The following ARHGAP8 variants were observed in gnomAD, a reference collection of about 807,000 sequenced individuals.
ARHGAP8 encodes rho GTPase-activating protein 8.
ARHGAP8 carries 62 observed loss-of-function variants against 46.1 expected under a neutral mutation model. That is an observed-to-expected ratio of 1.34 (90% CI 1.10 to 1.66). ARHGAP8 has a LOEUF of 1.66. Ranked by LOEUF, ARHGAP8 falls within the 40% of genes most tolerant of loss-of-function variation. The pLI, the probability that ARHGAP8 is intolerant of heterozygous loss-of-function variation, is 0.00. For synonymous variants in ARHGAP8, 375 were observed against 243.1 expected, an observed-to-expected ratio of 1.54 and a Z score of -5.05; for missense variants, 923 against 568.4, an observed-to-expected ratio of 1.62 and a Z score of -6.34.
At position 44,859,729 on chromosome 22, in the gene ARHGAP8, A is replaced by G. The variant is rs774759039; in HGVS notation, c.878-2A>G. Reference sequence around the variant, plus strand: ...TCAGCAGGGAGCCCCATGCCCTTCCAGGTGTGGAGAGCAGCCTGCGTGTCA... The same window carrying G: ...TCAGCAGGGAGCCCCATGCCCTTCCGGGTGTGGAGAGCAGCCTGCGTGTCA... On this transcript the variant is annotated splice_acceptor_variant, in intron 10 of 11. Coordinates refer to ENST00000356099, the MANE Select transcript of ARHGAP8 (RefSeq NM_181335.3). LOFTEE classifies it high-confidence loss of function. 1 of 1,613,374 alleles carries G rather than the reference A, an allele frequency of 6.2e-7. No individual in the cohort carries two copies.
At chr22:44,774,214 G>T (rs1926250091) in intron 1 of ARHGAP8, among the ~76,000 whole-genome samples, 1 of 152,146 alleles carries the variant, frequency 6.6e-6, no homozygotes, top group Non-Finnish European at 1.5e-5. Context: ...AACAGTCACG[G>T]GGTTAAAGTT....
rs375864746 is a variant in ARHGAP8, at chr22:44,798,829, A to G, written c.80-3248A>G. Among the ~76,000 whole-genome samples the G allele has an allele frequency of 5.3e-5, 8 of 152,026 alleles. No individual in the cohort carries two copies. In the East Asian group the frequency reaches 1.2e-3, roughly 22 times the overall value. ...TCACCAGGCTGGAGTGCAGTGGTGCAATCTCTGCTCACTGCAACCTCCGCT... is the reference window on the plus strand; with the variant it reads ...TCACCAGGCTGGAGTGCAGTGGTGCGATCTCTGCTCACTGCAACCTCCGCT... On this transcript the variant is annotated intron_variant, in intron 2 of 11. Coordinates refer to ENST00000356099, the MANE Select transcript of ARHGAP8 (RefSeq NM_181335.3).
At chr22:44,795,560 A>G (rs1255663635) in intron 2 of ARHGAP8, among the ~76,000 whole-genome samples, 1 of 151,922 alleles carries the variant, frequency 6.6e-6, no homozygotes, top group Admixed American at 6.5e-5. Context: ...CACCAGCAAT[A>G]GGCACTGGTG....
intron 4 of ARHGAP8, 109 bp from the exon 5 acceptor site, chr22:44,814,563 G>A: frequency 1.1e-6 from 1 of 886,404 alleles, no homozygotes; most frequent in East Asian, 2.6e-5. Context: ...CCTGTTGAGA[G>A]GAGTAACATT....
At chr22:44,791,236 G>T (rs1303747325) in intron 2 of ARHGAP8, among the ~76,000 whole-genome samples, 1 of 152,122 alleles carries the variant, frequency 6.6e-6, no homozygotes, top group Non-Finnish European at 1.5e-5. Flanking sequence ...GTCATTAGGG[G>T]GCTGTGCGCT....
At chr22:44,842,997 G>A (rs6007316) in intron 7 of ARHGAP8, among the ~76,000 whole-genome samples, 7,038 of 152,276 alleles carry the variant, frequency 0.046, 219 homozygotes, top group African/African-American at 0.058. Flanking sequence ...CTTGGTGAAG[G>A]TTTACGTTGT....
intron 2 of ARHGAP8, among the ~76,000 whole-genome samples, chr22:44,793,471 C>A (rs148288751): frequency 1.4e-4 from 22 of 152,274 alleles, no homozygotes; most frequent in African/African-American, 5.1e-4. Context: ...TCCTGCAGCA[C>A]GCAGGCCTAA....
chr22:44,841,610 C>T (rs1165742906), intron 7 of ARHGAP8, among the ~76,000 whole-genome samples: 1 of 152,204 alleles, frequency 6.6e-6, no homozygotes, highest in East Asian at 1.9e-4. Flanking sequence ...ATAACAGTCT[C>T]ACTGGGCTGC....
intron 2 of ARHGAP8, among the ~76,000 whole-genome samples, chr22:44,788,660 C>G (rs1390580156): frequency 1.3e-5 from 2 of 152,148 alleles, no homozygotes; most frequent in Admixed American, 1.3e-4. Context: ...TCCCAAAGTG[C>G]TGGAGTTTAT....
chr22:44,805,211 G>A (rs914352216), intron 3 of ARHGAP8, among the ~76,000 whole-genome samples: 13 of 152,216 alleles, frequency 8.5e-5, no homozygotes, highest in African/African-American at 3.1e-4. Context: ...GGCTGCTGCT[G>A]GGCCAGGAAT....
chr22:44,828,744 A>T (rs576830913), intron 7 of ARHGAP8, among the ~76,000 whole-genome samples: 1 of 151,924 alleles, frequency 6.6e-6, no homozygotes, highest in Admixed American at 6.6e-5. Flanking sequence ...CAGCACACCT[A>T]GCCCGGGCCA....
At chr22:44,845,825 C>G (rs2069941726) in intron 8 of ARHGAP8, among the ~76,000 whole-genome samples, 1 of 152,124 alleles carries the variant, frequency 6.6e-6, no homozygotes, top group Admixed American at 6.5e-5. Flanking sequence ...GAGGCTAGAA[C>G]TGAGGTCCAT....
At chr22:44,858,098 A>G (rs1158250778) in intron 10 of ARHGAP8, among the ~76,000 whole-genome samples, 36 of 152,226 alleles carry the variant, frequency 2.4e-4, no homozygotes, top group South Asian at 1.2e-3. Context: ...TGACTGAACA[A>G]CAGCTTGATT....
chr22:44,769,918 G>A (rs1925871224), intron 1 of ARHGAP8, among the ~76,000 whole-genome samples: 1 of 152,170 alleles, frequency 6.6e-6, no homozygotes, highest in African/African-American at 2.4e-5. Flanking sequence ...GCTAGGGAAT[G>A]GGTGCTGTTG....
intron 1 of ARHGAP8, among the ~76,000 whole-genome samples, chr22:44,758,812 T>A (rs1254181894): frequency 1.3e-5 from 2 of 152,210 alleles, no homozygotes; most frequent in Non-Finnish European, 2.9e-5. Context: ...ATTCCAAGAA[T>A]GACAGGAAGC....
At chr22:44,860,536 C>T (rs1352001218) in intron 11 of ARHGAP8, among the ~76,000 whole-genome samples, 2 of 60,578 alleles carry the variant, frequency 3.3e-5, no homozygotes, top group Admixed American at 2.0e-4. Context: ...GGGATGATCT[C>T]ATCTTGAGAT....
rs562748927 is a variant in ARHGAP8 at position 44,820,779 on chromosome 22, A to T, written c.387-1592A>T. Reference sequence around the variant, plus strand: ...CCTCCTCCCTCAGCCCCCGGGTCCGATTCTTTCTCGTCCACTAGGGGGAGC... The same window carrying T: ...CCTCCTCCCTCAGCCCCCGGGTCCGTTTCTTTCTCGTCCACTAGGGGGAGC... On this transcript the variant is annotated intron_variant, in intron 5 of 11. Coordinates refer to ENST00000356099, the MANE Select transcript of ARHGAP8 (RefSeq NM_181335.3). Among the ~76,000 whole-genome samples, 8 of 152,150 alleles carry T rather than the reference A, an allele frequency of 5.3e-5. No homozygotes were observed. In the East Asian group the frequency reaches 1.4e-3, roughly 26 times the overall value.
chr22:44,795,919 T>A (rs1928052641), intron 2 of ARHGAP8, among the ~76,000 whole-genome samples: 1 of 152,054 alleles, frequency 6.6e-6, no homozygotes. Context: ...CCTCCTCCTG[T>A]GTCCTCTCCC....
chr22:44,811,114 G>A (rs1367499047), intron 4 of ARHGAP8, among the ~76,000 whole-genome samples: 2 of 152,228 alleles, frequency 1.3e-5, no homozygotes, highest in Non-Finnish European at 2.9e-5. Context: ...TCAGCCCAGG[G>A]TGCTTTCCCT....
Sources: gnomAD v4.1 joint callset for allele counts (sites outside exome capture counted in the v4.1 genomes callset) on GRCh38, gnomAD v4.1.1 for gene constraint, MANE v1.5 for transcripts, NCBI Gene and HGNC (gene_info 2026-07-23, HGNC 2026-07-21) for gene names.